DIAPH3: variants seen among roughly 807,000 people sequenced by gnomAD.
DIAPH3 encodes diaphanous related formin 3.
DIAPH3 carries 117 observed loss-of-function variants against 144.3 expected under a neutral mutation model. The ratio of observed to expected loss-of-function variants is 0.81; its 90% CI spans 0.70 to 0.95. DIAPH3 has a LOEUF of 0.95. Ranked by LOEUF, DIAPH3 falls within the 40% of genes least tolerant of loss-of-function variation. DIAPH3 has a pLI of 0.00. For missense variants in DIAPH3, 1,421 were observed against 1,412.7 expected, an observed-to-expected ratio of 1.01 and a Z score of -0.09; for synonymous variants, 519 against 488.9, an observed-to-expected ratio of 1.06 and a Z score of -0.81.
chr13:59,896,817 G>A (rs1054514886), intron 20 of DIAPH3, among the ~76,000 whole-genome samples: 2 of 152,186 alleles, frequency 1.3e-5, no homozygotes, highest in Middle Eastern at 3.4e-3. Context: ...TAGTAATTTA[G>A]ATTATACTCT....
chr13:59,818,469 T>C (rs2040894314), intron 24 of DIAPH3, among the ~76,000 whole-genome samples: 1 of 151,672 alleles, frequency 6.6e-6, no homozygotes, highest in Admixed American at 6.6e-5. Context: ...GTCATATCTT[T>C]TCTCTCTGGC....
At chr13:59,970,749 T>A (rs2050318484) in intron 16 of DIAPH3, 103 bp downstream of exon 16, 1 of 1,045,150 alleles carries the variant, frequency 9.6e-7, no homozygotes, top group African/African-American at 1.6e-5. Flanking sequence ...ATAAATTAAA[T>A]TATGTAGGCA....
intron 17 of DIAPH3, among the ~76,000 whole-genome samples, chr13:59,968,160 A>AT (rs953026997): frequency 6.6e-6 from 1 of 152,202 alleles, no homozygotes; most frequent in African/African-American, 2.4e-5. Context: ...TGACTTAAGA[A>AT]TTTTTTAAAG....
At chr13:60,133,765 T>C (rs546237472) in intron 1 of DIAPH3, among the ~76,000 whole-genome samples, 7 of 152,274 alleles carry the variant, frequency 4.6e-5, no homozygotes, top group Middle Eastern at 3.4e-3. Context: ...TCGGGAAAGA[T>C]ATTGTATTCA....
At chr13:60,124,821 C>A (rs550754103) in intron 2 of DIAPH3, among the ~76,000 whole-genome samples, 40 of 151,314 alleles carry the variant, frequency 2.6e-4, no homozygotes, top group African/African-American at 9.7e-4. Context: ...GGTGACAAAG[C>A]GAGACCCTGT....
chr13:59,833,161 C>A lies in DIAPH3; in HGVS notation c.2973G>T (p.Lys991Asn), dbSNP rs866583748. ...CAGTAAGAAAGTCTTCCACAGACAC[C>A]TTCTTCACATCAATGGCATAGTATC... is the stretch of plus-strand genomic sequence containing the variant. The part of the protein sequence containing the change: ...IIGYYAIDVK[K>N]VSVEDFLTDL... The change falls in exon 24 of 28, where the codon AAG becomes AAT. Residue 991 changes from lysine (K) to asparagine (N), a missense_variant. Transcript: ENST00000400324. 6.2e-7 allele frequency: 1 copy of A among 1,610,740 alleles called. No individual in the cohort carries two copies. Among genetic ancestry groups the A allele is most frequent in the Non-Finnish European group, 8.5e-7 (1 of 1,178,004 alleles).
chr13:60,084,678 T>C lies in DIAPH3; in HGVS notation c.495+8950A>G, dbSNP rs184303945. 3.0e-3 allele frequency among the ~76,000 whole-genome samples: 464 copies of C among 152,238 alleles called. 2 individuals carry two copies. The highest frequency in any genetic ancestry group is 5.5e-3 in the Non-Finnish European group (373 of 67,972). ...AGTCAAAACCTAAGATTAAAGTTAC[T>C]GTTGGACTATTTGGTTTCCACATCT... On this transcript the variant is annotated intron_variant, in intron 4 of 27. Transcript: ENST00000400324.
intron 20 of DIAPH3, among the ~76,000 whole-genome samples, chr13:59,895,551 G>A (rs1400582006): frequency 2.0e-5 from 3 of 151,820 alleles, no homozygotes; most frequent in African/African-American, 4.8e-5. Flanking sequence ...TAAGAAAAGC[G>A]AAAAAGGGAA....
chr13:60,092,846 T>C (rs2057995212), intron 4 of DIAPH3, among the ~76,000 whole-genome samples: 2 of 152,358 alleles, frequency 1.3e-5, no homozygotes, highest in Non-Finnish European at 2.9e-5. Flanking sequence ...ACTTATGTTC[T>C]TGTAACCTGA....
intron 4 of DIAPH3, among the ~76,000 whole-genome samples, chr13:60,067,438 C>T (rs994124189): frequency 6.6e-6 from 1 of 152,042 alleles, no homozygotes; most frequent in Non-Finnish European, 1.5e-5. Flanking sequence ...ATCTCTTTAT[C>T]CAACCAACAT....
intron 4 of DIAPH3, among the ~76,000 whole-genome samples, chr13:60,066,083 T>C (rs2056952170): frequency 6.6e-6 from 1 of 152,170 alleles, no homozygotes; most frequent in African/African-American, 2.4e-5. Context: ...AATTTTTAAG[T>C]GTCATTTGCA....
intron 1 of DIAPH3, among the ~76,000 whole-genome samples, chr13:60,149,827 G>C (rs1951702552): frequency 6.6e-6 from 1 of 151,416 alleles, no homozygotes; most frequent in Non-Finnish European, 1.5e-5. Context: ...TCTGCCTATG[G>C]AGTAGCCATC....
At chr13:60,124,869 T>C (rs1264220407) in intron 2 of DIAPH3, among the ~76,000 whole-genome samples, 1 of 152,056 alleles carries the variant, frequency 6.6e-6, no homozygotes, top group East Asian at 1.9e-4. Flanking sequence ...GATATACTTC[T>C]AGATTTTACA....
At chr13:59,975,933 A>C (rs1310367287) in intron 14 of DIAPH3, among the ~76,000 whole-genome samples, 1 of 151,880 alleles carries the variant, frequency 6.6e-6, no homozygotes, top group East Asian at 1.9e-4. Context: ...ATATCTAATC[A>C]AATTACTAAC....
intron 12 of DIAPH3, among the ~76,000 whole-genome samples, chr13:59,987,131 A>T (rs2051445073): frequency 6.6e-6 from 1 of 151,926 alleles, no homozygotes; most frequent in South Asian, 2.1e-4. Context: ...TACACCATGG[A>T]ATACTATGCA....
At chr13:60,011,873 G>A (rs1253561640) in intron 7 of DIAPH3, among the ~76,000 whole-genome samples, 10 of 152,082 alleles carry the variant, frequency 6.6e-5, no homozygotes, top group African/African-American at 2.2e-4. Flanking sequence ...ACTACTGCCA[G>A]GAAGTCAAAT....
intron 2 of DIAPH3, among the ~76,000 whole-genome samples, chr13:60,121,222 G>A (rs1283239332): frequency 6.6e-6 from 1 of 151,298 alleles, no homozygotes; most frequent in Non-Finnish European, 1.5e-5. Context: ...GGTTTTTCTG[G>A]CATGCTGATA....
chr13:60,049,929 C>A (rs559526866), intron 4 of DIAPH3, among the ~76,000 whole-genome samples: 1 of 152,328 alleles, frequency 6.6e-6, no homozygotes, highest in Non-Finnish European at 1.5e-5. Context: ...GTAGCTCATG[C>A]CTGTAATTCC....
At chr13:60,118,233 CA>C (rs758082639) in intron 2 of DIAPH3, among the ~76,000 whole-genome samples, 5 of 151,376 alleles carry the variant, frequency 3.3e-5, no homozygotes, top group African/African-American at 4.9e-5. Flanking sequence ...AAAAAAGGTT[CA>C]AAAAAAACTA....
Sources: gnomAD v4.1 joint callset for allele counts (sites outside exome capture counted in the v4.1 genomes callset) on GRCh38, gnomAD v4.1.1 for gene constraint, MANE v1.5 for transcripts, NCBI Gene and HGNC (gene_info 2026-07-23, HGNC 2026-07-21) for gene names.